The following NCKAP1 variants were observed in gnomAD, a reference collection of about 807,000 sequenced individuals.
NCKAP1 encodes the protein NCK associated protein 1.
A neutral mutation model predicts 151.2 loss-of-function variants in NCKAP1; 21 were observed. The observed-to-expected ratio is 0.14, with a 90% confidence interval of 0.10 to 0.20. The LOEUF (loss-of-function observed/expected upper bound fraction) is 0.20. NCKAP1 is among the 10% of genes least tolerant of loss of function. NCKAP1 has a pLI of 1.00. For synonymous variants in NCKAP1, 484 were observed against 451.8 expected, an observed-to-expected ratio of 1.07 and a Z score of -0.90; for missense variants, 933 against 1,352.1, an observed-to-expected ratio of 0.69 and a Z score of 4.86.
chr2:183,038,431 G>T lies in NCKAP1; in HGVS notation c.-332C>A. ...TCCACTAGGTGTGGCGGCGGCGGCGGCGGCGGCGGCGTCTCCGGCGGCTGA... is the reference window on the plus strand; with the variant it reads ...TCCACTAGGTGTGGCGGCGGCGGCGTCGGCGGCGGCGTCTCCGGCGGCTGA... On this transcript the variant is annotated 5_prime_UTR_variant, in exon 1 of 31. Coordinates refer to ENST00000361354, the MANE Select transcript of NCKAP1 (RefSeq NM_013436.5). 5.2e-6 allele frequency: 1 copy of T among 192,194 alleles called. No homozygotes were observed. The highest frequency in any genetic ancestry group is 1.0e-5 in the Non-Finnish European group (1 of 98,438). The allele number at this position is 192,194 out of a possible 1,614,324, so 11.9% of individuals were successfully genotyped here.
At chr2:182,928,355 A>C in intron 28 of NCKAP1, 129 bp from the exon 29 acceptor site, 1 of 614,980 alleles carries the variant, frequency 1.6e-6, no homozygotes, top group Non-Finnish European at 2.8e-6. Flanking sequence ...ACATGACCGG[A>C]CTTGCTCTCC....
In NCKAP1 at chr2:182,956,547, T is replaced by C. The variant is rs1316937669; in HGVS notation, c.2068A>G (p.Asn690Asp). 6.2e-7 allele frequency: 1 copy of C among 1,610,412 alleles called. No individual in the cohort carries two copies. Among genetic ancestry groups the C allele is most frequent in the South Asian group, 1.1e-5 (1 of 90,038 alleles). Residue 690 changes from asparagine (N) to aspartate (D), a missense_variant, in exon 20 of 31, where the codon AAT (asparagine) becomes GAT (aspartate). Around this residue, in one of 2 missense-constraint regions of NCKAP1, gnomAD observed 326 missense variants for 557.1 expected, o/e 0.59. Transcript: ENST00000361354. ...TALSELCFSI[N>D]YVPNMVVWEH... Reference sequence around the variant, plus strand: ...CATACCACCATGTTTGGTACATAATTTATAGAGAAGCATAACTCAGAAAGT... The same window carrying C: ...CATACCACCATGTTTGGTACATAATCTATAGAGAAGCATAACTCAGAAAGT...
chr2:183,022,200 A>C (rs1339173391), intron 2 of NCKAP1, among the ~76,000 whole-genome samples: 1 of 152,218 alleles, frequency 6.6e-6, no homozygotes, highest in African/African-American at 2.4e-5. Flanking sequence ...ATAAGTTTAC[A>C]CACAAACACA....
chr2:182,952,327 T>C (rs1697231413), intron 23 of NCKAP1, 78 bp downstream of exon 23: 1 of 877,908 alleles, frequency 1.1e-6, no homozygotes, highest in Non-Finnish European at 1.7e-6. Context: ...ATTAACATTG[T>C]AGGCTTGTTG....
At chr2:182,971,112 C>T (rs944098975) in intron 15 of NCKAP1, among the ~76,000 whole-genome samples, 3 of 152,030 alleles carry the variant, frequency 2.0e-5, no homozygotes, top group Non-Finnish European at 4.4e-5. Flanking sequence ...AAAAAGATAT[C>T]GGCCGGGCGC....
Position 182,975,027 on chromosome 2 carries a change from C to A in NCKAP1, c.1482+1866G>T, listed in dbSNP as rs114336937. ...GAAATGCATCTAAATCTCTAAAATT[C>A]TCTGAGCCCAAGTATTGGTTTAGGC... On this transcript the variant is annotated intron_variant, in intron 15 of 30. Transcript: ENST00000361354. 6.7e-3 allele frequency among the ~76,000 whole-genome samples: 1,019 copies of A among 152,226 alleles called. 8 individuals are homozygous for A. The highest frequency in any genetic ancestry group is 0.012 in the Non-Finnish European group (799 of 68,012).
chr2:183,011,261 T>C (rs192922851), intron 2 of NCKAP1, among the ~76,000 whole-genome samples: 2 of 152,336 alleles, frequency 1.3e-5, no homozygotes, highest in African/African-American at 4.8e-5. Context: ...CTAGAATACA[T>C]TTCTAGTTGT....
At position 183,038,271 on chromosome 2, in the gene NCKAP1, C is replaced by T. The variant is rs1699148022; in HGVS notation, c.-172G>A. On this transcript the variant is annotated 5_prime_UTR_variant, in exon 1 of 31. Coordinates refer to ENST00000361354, the MANE Select transcript of NCKAP1 (RefSeq NM_013436.5). Reference sequence around the variant, plus strand: ...CCCGCGCCGGCGACAGAGCGAGCCGCGGCGGACTCCTCGGAGCCCCTTCTC... The same window carrying T: ...CCCGCGCCGGCGACAGAGCGAGCCGTGGCGGACTCCTCGGAGCCCCTTCTC... The T allele has an allele frequency of 4.7e-6, 2 of 429,046 alleles. No individual in the cohort carries two copies. Among genetic ancestry groups the T allele is most frequent in the Non-Finnish European group, 8.1e-6 (2 of 246,130 alleles). 26.6% of individuals were successfully genotyped at this position (429,046 alleles called of 1,614,324 possible).
rs1354796775 is a variant in NCKAP1, at chr2:182,917,530, T to C, written c.*8172A>G. 2 of 152,208 alleles carry C rather than the reference T, an allele frequency of 1.3e-5. No individual in the cohort carries two copies. Among genetic ancestry groups the C allele is most frequent in the Non-Finnish European group, 2.9e-5 (2 of 68,036 alleles). The allele number at this position is 152,208 out of a possible 1,614,324, so 9.4% of individuals were successfully genotyped here. A position where few individuals can be genotyped will look rare whatever the true frequency, so the allele number is the denominator to read the frequency against. On this transcript the variant is annotated 3_prime_UTR_variant, in exon 31 of 31. Transcript: ENST00000361354. ...CTCCATCATTACAATCATTGATACA[T>C]AATAGGTTGCCCATTCAAGAATTAG... is the stretch of plus-strand genomic sequence containing the variant.
Position 182,989,063 on chromosome 2 carries a change from T to C in NCKAP1, c.914A>G (p.Lys305Arg), listed in dbSNP as rs761054630. The C allele has an allele frequency of 6.2e-7, 1 of 1,612,822 alleles. No individual in the cohort carries two copies. The highest frequency in any genetic ancestry group is 1.3e-5 in the African/African-American group (1 of 74,792). The change falls in exon 9 of 31, where the codon AAA (lysine) becomes AGA (arginine). Residue 305 changes from lysine to arginine, a missense_variant. Lys to Arg is a conservative substitution (Grantham distance 26). Coordinates refer to ENST00000361354, the MANE Select transcript of NCKAP1 (RefSeq NM_013436.5). ...GTTTACAAATAAGTCTTCTGCAGCT[T>C]TGTGAATGTGGAAAACTTCATCCCG... Reference protein sequence around the residue: ...LFRDEVFHIHKAAEDLFVNIR... With the variant: ...LFRDEVFHIHRAAEDLFVNIR...
chr2:182,940,374 A>AT lies in NCKAP1; in HGVS notation c.2695+1695dup, dbSNP rs532348036. 1.4e-4 allele frequency among the ~76,000 whole-genome samples: 21 copies of AT among 152,140 alleles called. No individual in the cohort carries two copies. In the South Asian group the frequency reaches 3.1e-3, roughly 23 times the overall value. ...TCCTCCCTATAATGCTACCACGTCT[A>AT]TTTTTTTGTTTTTTAAAGTATCATA... On this transcript the variant is annotated intron_variant, in intron 24 of 30. Transcript: ENST00000361354.
intron 24 of NCKAP1, among the ~76,000 whole-genome samples, chr2:182,935,736 G>C (rs1416818216): frequency 6.6e-6 from 1 of 151,498 alleles, no homozygotes; most frequent in Non-Finnish European, 1.5e-5. Context: ...AGAAAGAAGG[G>C]AAGCGAGACT....
chr2:183,037,054 T>C (rs572997517), intron 1 of NCKAP1, among the ~76,000 whole-genome samples: 2 of 152,346 alleles, frequency 1.3e-5, no homozygotes, highest in African/African-American at 4.8e-5. Context: ...TTTGTTGTTT[T>C]GTCCTACGAT....
intron 1 of NCKAP1, among the ~76,000 whole-genome samples, chr2:183,031,981 C>A (rs984835066): frequency 6.6e-6 from 1 of 152,066 alleles, no homozygotes; most frequent in African/African-American, 2.4e-5. Flanking sequence ...TAATAATTAG[C>A]AGGAAAAGAA....
chr2:183,033,249 C>T (rs968698395), intron 1 of NCKAP1, among the ~76,000 whole-genome samples: 2 of 152,192 alleles, frequency 1.3e-5, no homozygotes, highest in Non-Finnish European at 2.9e-5. Flanking sequence ...AAGAAGTCAA[C>T]AAATTGTTAA....
intron 2 of NCKAP1, chr2:183,023,100 AAAAT>A (rs1332119066): frequency 2.6e-5 from 4 of 152,150 alleles, no homozygotes; most frequent in African/African-American, 9.6e-5. Context: ...ATCAGAGAAA[AAAAT>A]AAAAAGAGAA....
intron 1 of NCKAP1, chr2:183,024,956 G>A: frequency 1.2e-6 from 2 of 1,611,944 alleles, no homozygotes; most frequent in Non-Finnish European, 1.7e-6. Flanking sequence ...CGGGCAGAGG[G>A]AAGGTGAAAA....
chr2:183,015,492 A>G (rs1314962318), intron 2 of NCKAP1, among the ~76,000 whole-genome samples: 2 of 151,962 alleles, frequency 1.3e-5, no homozygotes, highest in Non-Finnish European at 2.9e-5. Flanking sequence ...CAGGAAAAAA[A>G]AAAAATTATA....
In NCKAP1 at chr2:182,949,741, G is replaced by A. The variant is rs539140558; in HGVS notation, c.2601+2664C>T. 3.3e-5 allele frequency among the ~76,000 whole-genome samples: 5 copies of A among 152,350 alleles called. No individual in the cohort carries two copies. The East Asian group carries it at 9.6e-4, about 29-fold the overall frequency. On this transcript the variant is annotated intron_variant, in intron 23 of 30. Coordinates refer to ENST00000361354, the MANE Select transcript of NCKAP1 (RefSeq NM_013436.5). ...CCCAGGGGGGCCAAGCTGGCAGTGA[G>A]TCATGATCACACCACTGCACTCCAG...
Sources: allele counts gnomAD v4.1 joint callset (sites outside exome capture counted in the v4.1 genomes callset), GRCh38; gene constraint gnomAD v4.1.1; regional missense constraint gnomAD v4.1.1; transcripts MANE v1.5; gene names NCBI Gene and HGNC (gene_info 2026-07-23, HGNC 2026-07-21).